The following SESN1 variants were observed in gnomAD, a reference collection of about 807,000 sequenced individuals.
The protein encoded by SESN1 is sestrin 1, also known as sestrin-1.
A neutral mutation model predicts 59.3 loss-of-function variants in SESN1; 30 were observed. The ratio of observed to expected loss-of-function variants is 0.51; its 90% confidence interval spans 0.38 to 0.69. The LOEUF (loss-of-function observed/expected upper bound fraction) is 0.69. Ranked by LOEUF, SESN1 falls within the 30% of genes least tolerant of loss-of-function variation. The pLI, the probability that SESN1 is intolerant of heterozygous loss-of-function variation, is 0.00. For missense variants in SESN1, 566 were observed against 673.0 expected (o/e 0.84, Z 1.76); for synonymous variants, 197 against 219.9 (o/e 0.90, Z 0.92).
chr6:109,008,200 G>A (rs974513098), intron 1 of SESN1, among the ~76,000 whole-genome samples: 10 of 152,152 alleles, frequency 6.6e-5, no homozygotes, highest in Admixed American at 2.0e-4. Context: ...CCAGGACTCT[G>A]CACACAAACA....
intron 1 of SESN1, among the ~76,000 whole-genome samples, chr6:109,029,293 C>G (rs903808241): frequency 6.6e-6 from 1 of 152,116 alleles, no homozygotes; most frequent in Non-Finnish European, 1.5e-5. Context: ...ATAGAAATCA[C>G]GGGTTAAAAC....
intron 1 of SESN1, among the ~76,000 whole-genome samples, chr6:109,048,848 A>G (rs1388510702): frequency 1.3e-5 from 2 of 152,200 alleles, no homozygotes; most frequent in African/African-American, 2.4e-5. Context: ...GGATATGGCC[A>G]TATATCACAG....
At chr6:109,006,761 A>C (rs1459827302) in intron 1 of SESN1, among the ~76,000 whole-genome samples, 1 of 152,178 alleles carries the variant, frequency 6.6e-6, no homozygotes, top group Non-Finnish European at 1.5e-5. Context: ...CACATGTTAA[A>C]TTGGTTACAA....
At chr6:108,990,557 G>T in intron 8 of SESN1, 88 bp downstream of exon 8, 1 of 1,146,330 alleles carries the variant, frequency 8.7e-7, no homozygotes, top group Non-Finnish European at 1.3e-6. Context: ...TTGATTATGT[G>T]TGTGTCTATG....
intron 1 of SESN1, among the ~76,000 whole-genome samples, chr6:109,044,952 G>T (rs1194572111): frequency 2.0e-5 from 3 of 152,036 alleles, no homozygotes; most frequent in Non-Finnish European, 4.4e-5. Context: ...GAACCCAGGA[G>T]GTAGAGGTTG....
intron 1 of SESN1, among the ~76,000 whole-genome samples, chr6:109,076,648 AAAC>A (rs1562475317): frequency 6.6e-6 from 1 of 152,200 alleles, no homozygotes; most frequent in Non-Finnish European, 1.5e-5. Flanking sequence ...AGTCTGCAGG[AAAC>A]AACAACAGAA....
At chr6:109,029,445 G>A (rs1780148194) in intron 1 of SESN1, among the ~76,000 whole-genome samples, 1 of 152,156 alleles carries the variant, frequency 6.6e-6, no homozygotes, top group Admixed American at 6.5e-5. Context: ...TATTGCTTAA[G>A]ATGCTGTGAA....
Position 109,093,975 on chromosome 6 carries a change from C to T in SESN1, c.99G>A (p.Leu33=). ...TALENIRQTI[L]RKTEYLRSVK... is the part of the protein sequence containing the mutation. ...CCGAACGAAGATACTCGGTTTTCCTCAAAATGGTTTGCCTAATGTTTTCCA... is the reference window on the plus strand; with the variant it reads ...CCGAACGAAGATACTCGGTTTTCCTTAAAATGGTTTGCCTAATGTTTTCCA... Residue 33 remains leucine, a synonymous_variant, in exon 1 of 10, where the codon TTG becomes TTA. Coordinates refer to ENST00000436639, the MANE Select transcript of SESN1 (RefSeq NM_014454.3). 2 of 1,614,194 alleles carry T rather than the reference C, an allele frequency of 1.2e-6. No individual in the cohort carries two copies. Among genetic ancestry groups the T allele is most frequent in the Non-Finnish European group, 8.5e-7 (1 of 1,180,042 alleles).
chr6:109,076,801 G>A (rs1781039079), intron 1 of SESN1, among the ~76,000 whole-genome samples: 1 of 152,194 alleles, frequency 6.6e-6, no homozygotes. Context: ...GTATTAAGCT[G>A]TCTTTATTAT....
At chr6:109,051,046 T>C (rs1780533175) in intron 1 of SESN1, among the ~76,000 whole-genome samples, 2 of 152,156 alleles carry the variant, frequency 1.3e-5, no homozygotes, top group Non-Finnish European at 2.9e-5. Flanking sequence ...TTCCTGAAGC[T>C]AATCACCAAA....
chr6:108,988,570 G>A lies in SESN1; in HGVS notation c.1542C>T (p.Phe514=). Reference sequence around the variant, plus strand: ...TCTCAGAGTGCTTGAACTGCCTCCAGAAGCTATCATACATTCTTTTGGTAA... The same window carrying A: ...TCTCAGAGTGCTTGAACTGCCTCCAAAAGCTATCATACATTCTTTTGGTAA... ...EKVTKRMYDS[F]WRQFKHSEKV... is the part of the protein sequence containing the mutation. The change falls in exon 9 of 10, where the codon TTC becomes TTT. Residue 514 remains phenylalanine (F), a synonymous_variant. Transcript: ENST00000436639. 1 of 1,612,150 alleles carries A rather than the reference G, an allele frequency of 6.2e-7. No individual in the cohort carries two copies. The highest frequency in any genetic ancestry group is 1.7e-4 in the Middle Eastern group (1 of 6,050).
chr6:109,085,515 T>TCACACACACACACA (rs59793015), intron 1 of SESN1, among the ~76,000 whole-genome samples: 27 of 148,514 alleles, frequency 1.8e-4, no homozygotes, highest in African/African-American at 5.9e-4. Flanking sequence ...TGACACTCCG[T>TCACACACACACACA]CACACACACA....
intron 1 of SESN1, among the ~76,000 whole-genome samples, chr6:109,081,055 C>T (rs1290952286): frequency 6.6e-6 from 1 of 151,234 alleles, no homozygotes; most frequent in Non-Finnish European, 1.5e-5. Context: ...AAAAAAAAAT[C>T]TGAAATCTGA....
intron 6 of SESN1, 88 bp from the exon 7 acceptor site, chr6:108,992,987 T>C (rs1164990265): frequency 3.8e-6 from 3 of 785,680 alleles, no homozygotes; most frequent in East Asian, 2.6e-5. Flanking sequence ...GGCATAACTC[T>C]TTCTCTGATA....
rs896154275 is a variant in SESN1, at chr6:109,009,437, G to A, written c.280-7094C>T. ...CCGCCAAAGGGGCCGTGTACGCCTC[G>A]TTCGCGGCGGCGGCCAAGCGCATGT... On this transcript the variant is annotated intron_variant, in intron 1 of 9. Transcript: ENST00000436639. 3.4e-5 allele frequency: 46 copies of A among 1,371,406 alleles called. No homozygotes were observed. In the East Asian group the frequency reaches 1.3e-3, roughly 40 times the overall value. The allele number at this position is 1,371,406 out of a possible 1,614,324, so 85.0% of individuals were successfully genotyped here.
At position 108,984,642 on chromosome 6, in the gene SESN1, T is replaced by C. The variant is rs542867314; in HGVS notation, c.*2902A>G. ...CATCACATATCCCCTTGGTTAGGTT[T>C]ATTCCTAAGTATTTTATTCTTTTTG... is the stretch of plus-strand genomic sequence containing the variant. On this transcript the variant is annotated 3_prime_UTR_variant, in exon 10 of 10. Coordinates refer to ENST00000436639, the MANE Select transcript of SESN1 (RefSeq NM_014454.3). 6.6e-6 allele frequency among the ~76,000 whole-genome samples: 1 copy of C among 152,346 alleles called. No homozygotes were observed. The highest frequency in any genetic ancestry group is 1.9e-4 in the East Asian group (1 of 5,190).
intron 1 of SESN1, among the ~76,000 whole-genome samples, chr6:109,009,763 C>T (rs558856344): frequency 1.3e-5 from 2 of 152,104 alleles, no homozygotes; most frequent in Non-Finnish European, 2.9e-5. Context: ...AGCTAATTCT[C>T]AGGTACGGAA....
chr6:109,049,243 C>A (rs113452205), intron 1 of SESN1, among the ~76,000 whole-genome samples: 5 of 151,938 alleles, frequency 3.3e-5, no homozygotes, highest in African/African-American at 1.2e-4. Context: ...ATGGATGGAA[C>A]TGAATTTATG....
chr6:109,013,933 C>A (rs1779896796), intron 1 of SESN1, among the ~76,000 whole-genome samples: 1 of 151,956 alleles, frequency 6.6e-6, no homozygotes, highest in Non-Finnish European at 1.5e-5. Flanking sequence ...TTTCCCTTTT[C>A]AACATCATGT....
Sources: allele counts gnomAD v4.1 joint callset (sites outside exome capture counted in the v4.1 genomes callset), GRCh38; gene constraint gnomAD v4.1.1; transcripts MANE v1.5; gene names NCBI Gene and HGNC (gene_info 2026-07-23, HGNC 2026-07-21).